ST3GAL2: variants seen among roughly 807,000 people sequenced by gnomAD.
The protein encoded by ST3GAL2 is ST3 beta-galactoside alpha-2,3-sialyltransferase 2.
A neutral mutation model predicts 37.5 loss-of-function variants in ST3GAL2; 16 were observed. The observed-to-expected ratio is 0.43, with a 90% CI of 0.29 to 0.65. The LOEUF is 0.65. ST3GAL2 is among the 30% of genes least tolerant of loss of function. The pLI is 0.17. For missense variants in ST3GAL2, 383 were observed against 487.8 expected (o/e 0.79, Z 2.02); for synonymous variants, 238 against 202.9 (o/e 1.17, Z -1.47).
intron 1 of ST3GAL2, among the ~76,000 whole-genome samples, chr16:70,438,324 C>T (rs571522013): frequency 6.6e-6 from 1 of 152,216 alleles, no homozygotes; most frequent in African/African-American, 2.4e-5. Flanking sequence ...AGAGAAGGAA[C>T]AGGAGAGAGG....
Position 70,381,956 on chromosome 16 carries a change from G to A in ST3GAL2, c.880-94C>T, listed in dbSNP as rs2047409088. On this transcript the variant is annotated intron_variant, in intron 6 of 6. Coordinates refer to ENST00000342907, the MANE Select transcript of ST3GAL2 (RefSeq NM_006927.4). ...ATGACAGGGAGGAGAGGGGACGGGA[G>A]GCCCCGGGGAGATGCAGGAGCCCCC... The A allele has an allele frequency of 2.6e-6, 4 of 1,529,768 alleles. No homozygotes were observed. The East Asian group carries it at 6.8e-5, about 26-fold the overall frequency. The allele number at this position is 1,529,768 out of a possible 1,614,324, so 94.8% of individuals were successfully genotyped here. A position where few individuals can be genotyped will look rare whatever the true frequency, so the allele number is the denominator to read the frequency against.
At chr16:70,402,807 A>T (rs988600765) in intron 1 of ST3GAL2, among the ~76,000 whole-genome samples, 3 of 152,020 alleles carry the variant, frequency 2.0e-5, no homozygotes, top group Admixed American at 6.6e-5. Flanking sequence ...GTGCCACCAC[A>T]CCCAGCTAAT....
At chr16:70,407,950 G>T (rs1455366519) in intron 1 of ST3GAL2, among the ~76,000 whole-genome samples, 1 of 152,076 alleles carries the variant, frequency 6.6e-6, no homozygotes, top group Non-Finnish European at 1.5e-5. Flanking sequence ...AGCCTGGGGG[G>T]ATGGGTGCTG....
At chr16:70,386,434 C>T (rs1044480171) in intron 4 of ST3GAL2, among the ~76,000 whole-genome samples, 10 of 151,916 alleles carry the variant, frequency 6.6e-5, no homozygotes, top group Admixed American at 3.3e-4. Context: ...CCTTGTGATC[C>T]GCCCGCCTGG....
In ST3GAL2 at chr16:70,398,372, G is replaced by A. The variant is rs773946547; in HGVS notation, c.159C>T (p.Gly53=). 1 of 1,613,498 alleles carries A rather than the reference G, an allele frequency of 6.2e-7. No individual in the cohort carries two copies. Among genetic ancestry groups the A allele is most frequent in the Non-Finnish European group, 8.5e-7 (1 of 1,180,012 alleles). The part of the protein sequence containing the change: ...DGTHRVKLVP[G]YAGLQRLSKE... ...TGCTGAGGCGCTGCAGGCCGGCATA[G>A]CCGGGCACCAGCTTCACCCGGTGCG... Residue 53 remains glycine, a synonymous_variant, in exon 2 of 7, where the codon GGC becomes GGT. Transcript: ENST00000342907.
Position 70,417,894 on chromosome 16 carries a change from C to T in ST3GAL2, c.-1003-18361G>A, listed in dbSNP as rs79383440. 3.1e-3 allele frequency among the ~76,000 whole-genome samples: 479 copies of T among 152,234 alleles called. 2 individuals are homozygous for T. The highest frequency in any genetic ancestry group is 0.01 in the African/African-American group (425 of 41,532). ...TCCAGGGGGCCATTAAACTGGACCA[C>T]ACTACCTCCCGGGGTGAAGGGACTA... is the stretch of plus-strand genomic sequence containing the variant. On this transcript the variant is annotated intron_variant, in intron 1 of 6. Coordinates refer to ENST00000342907, the MANE Select transcript of ST3GAL2 (RefSeq NM_006927.4).
intron 3 of ST3GAL2, among the ~76,000 whole-genome samples, chr16:70,389,075 CAAAA>C (rs77375368): frequency 1.9e-5 from 1 of 53,300 alleles, no homozygotes; most frequent in Non-Finnish European, 3.9e-5. Context: ...CTCTTGTCTC[CAAAA>C]AAAAAAAAAA....
At chr16:70,410,927 A>G (rs767723196) in intron 1 of ST3GAL2, among the ~76,000 whole-genome samples, 6 of 151,110 alleles carry the variant, frequency 4.0e-5, no homozygotes, top group Non-Finnish European at 7.4e-5. Flanking sequence ...TTGGGCAGCT[A>G]AGGACCCAGT....
At chr16:70,384,536 C>A (rs1325401311) in intron 4 of ST3GAL2, among the ~76,000 whole-genome samples, 1 of 151,728 alleles carries the variant, frequency 6.6e-6, no homozygotes, top group Non-Finnish European at 1.5e-5. Context: ...AAAACCCTGT[C>A]TCTACTAAAA....
Position 70,377,452 on chromosome 16 carries a change from C to A in ST3GAL2, c.*4237G>T, listed in dbSNP as rs1280660208. 6.7e-6 allele frequency: 1 copy of A among 149,646 alleles called. No individual in the cohort carries two copies. The highest frequency in any genetic ancestry group is 2.5e-5 in the African/African-American group (1 of 40,228). 9.3% of individuals were successfully genotyped at this position (149,646 alleles called of 1,614,324 possible). ...CGGACATAGCACCACTGCATTCCAG[C>A]CTGGGCAATGGAGAGAGACTCCATC... On this transcript the variant is annotated 3_prime_UTR_variant, in exon 7 of 7. Transcript: ENST00000342907.
At position 70,398,169 on chromosome 16, in the gene ST3GAL2, T is replaced by C. The variant is rs752609694; in HGVS notation, c.339+23A>G. On this transcript the variant is annotated intron_variant, in intron 2 of 6. Coordinates refer to ENST00000342907, the MANE Select transcript of ST3GAL2 (RefSeq NM_006927.4). ...GCTCTAAAACTGGGGGACAGATCCC[T>C]GGAAGGGAGCAGCAGCTCTTACCAT... is the stretch of plus-strand genomic sequence containing the variant. 1.9e-6 allele frequency: 3 copies of C among 1,603,538 alleles called. No homozygotes were observed. The Admixed American group carries it at 5.0e-5, about 27-fold the overall frequency.
In ST3GAL2 at chr16:70,405,334, G is replaced by A. The variant is rs147525028; in HGVS notation, c.-1003-5801C>T. Among the ~76,000 whole-genome samples, 262 of 152,060 alleles carry A rather than the reference G, an allele frequency of 1.7e-3. 2 individuals carry two copies. The highest frequency in any genetic ancestry group is 6.8e-3 in the Middle Eastern group (2 of 294). On this transcript the variant is annotated intron_variant, in intron 1 of 6. Coordinates refer to ENST00000342907, the MANE Select transcript of ST3GAL2 (RefSeq NM_006927.4). The stretch of plus-strand genomic sequence containing the variant: ...AGGCAGACGGATCACGAGGTCAGGA[G>A]ATCGAGACCATCCTGGTTAACATGG...
At chr16:70,383,555 AAAAGG>A (rs200535533) in intron 4 of ST3GAL2, among the ~76,000 whole-genome samples, 10,875 of 146,632 alleles carry the variant, frequency 0.074, 1,476 homozygotes, top group African/African-American at 0.28. Context: ...GTCAAAAAAA[AAAAGG>A]AAAGGAAAGG....
At chr16:70,399,699 C>T (rs2151664503) in intron 1 of ST3GAL2, 166 bp from the exon 2 acceptor site, 2 of 358,840 alleles carry the variant, frequency 5.6e-6, no homozygotes, top group African/African-American at 2.1e-5. Context: ...GATAGCATCA[C>T]TGTGTGGGAC....
chr16:70,385,135 C>T (rs977408909), intron 4 of ST3GAL2, among the ~76,000 whole-genome samples: 1 of 151,480 alleles, frequency 6.6e-6, no homozygotes, highest in Non-Finnish European at 1.5e-5. Context: ...GAAACCCCGT[C>T]TCTACTAAAA....
rs377470483 is a variant in ST3GAL2, at chr16:70,380,872, A to G, written c.*817T>C. The G allele has an allele frequency of 6.5e-6, 1 of 153,692 alleles. No homozygotes were observed. The highest frequency in any genetic ancestry group is 2.4e-5 in the African/African-American group (1 of 41,578). The allele number at this position is 153,692 out of a possible 1,614,324, so 9.5% of individuals were successfully genotyped here. A position where few individuals can be genotyped will look rare whatever the true frequency, so the allele number is the denominator to read the frequency against. ...GGTAGGGACGGAGTCGGGGGACGGG[A>G]TTTTTTTCCAGAGCAACAGGTAGGC... is the stretch of plus-strand genomic sequence containing the variant. On this transcript the variant is annotated 3_prime_UTR_variant, in exon 7 of 7. Transcript: ENST00000342907.
chr16:70,420,282 G>A (rs1037365903), intron 1 of ST3GAL2, among the ~76,000 whole-genome samples: 2 of 152,114 alleles, frequency 1.3e-5, no homozygotes, highest in Non-Finnish European at 2.9e-5. Flanking sequence ...GGCCTGAGCA[G>A]CATGGCAAGA....
intron 1 of ST3GAL2, among the ~76,000 whole-genome samples, chr16:70,406,838 G>T (rs2047595852): frequency 6.6e-6 from 1 of 152,032 alleles, no homozygotes; most frequent in Non-Finnish European, 1.5e-5. Context: ...ATTCAGCTGA[G>T]AGATGGTCTA....
rs377720141 is a variant in ST3GAL2, at chr16:70,398,507, C to G, written c.24G>C (p.Trp8Cys). ...CCAGCAGGAAGGCCACGGAGAGGAA[C>G]CACACCCGCAGGGAGCACTTCATGG... MKCSLRV[W>C]FLSVAFLLVF... Residue 8 changes from tryptophan to cysteine, a missense_variant, in exon 2 of 7, where the codon TGG becomes TGC. Physicochemically the swap from Trp to Cys is radical, Grantham distance 215. This residue lies in a region of ST3GAL2 where 223 missense variants were observed against 239.1 expected (regional missense o/e 0.93). Coordinates refer to ENST00000342907, the MANE Select transcript of ST3GAL2 (RefSeq NM_006927.4). 130 of 1,610,718 alleles carry G rather than the reference C, an allele frequency of 8.1e-5. 5 individuals carry two copies. The South Asian group carries it at 1.4e-3, about 17-fold the overall frequency.
Sources: allele counts gnomAD v4.1 joint callset (sites outside exome capture counted in the v4.1 genomes callset), GRCh38; gene constraint gnomAD v4.1.1; regional missense constraint gnomAD v4.1.1; transcripts MANE v1.5; gene names NCBI Gene and HGNC (gene_info 2026-07-23, HGNC 2026-07-21).